TRIM71: variants seen among roughly 807,000 people sequenced by gnomAD.
TRIM71 encodes E3 ubiquitin-protein ligase TRIM71.
Under a neutral mutation model 61.2 loss-of-function variants are expected in TRIM71, and 9 were observed. The ratio of observed to expected loss-of-function variants is 0.15; its 90% CI spans 0.09 to 0.26. The LOEUF (loss-of-function observed/expected upper bound fraction) is 0.26. Ranked by LOEUF, TRIM71 falls within the 10% of genes least tolerant of loss-of-function variation. The pLI, the probability that TRIM71 is intolerant of heterozygous loss-of-function variation, is 1.00. For synonymous variants in TRIM71, 645 were observed against 553.2 expected, an observed-to-expected ratio of 1.17 and a Z score of -2.33; for missense variants, 998 against 1,238.7, an observed-to-expected ratio of 0.81 and a Z score of 2.92.
chr3:32,818,267 C>A lies in TRIM71; in HGVS notation c.187C>A (p.His63Asn). ...CCGCCTACACGTCCTGCCCTGCCTG[C>A]ACGCCTTCTGCCGCCCCTGCCTCGA... is the stretch of plus-strand genomic sequence containing the variant. ...ARRLHVLPCL[H>N]AFCRPCLEAH... is the part of the protein sequence containing the mutation. Residue 63 changes from histidine to asparagine, a missense_variant, in exon 1 of 4, where the codon CAC (histidine) becomes AAC (asparagine). By Grantham distance (68) the His-to-Asn change is moderately conservative. This residue lies in a region of TRIM71 where 527 missense variants were observed against 427.8 expected (regional missense o/e 1.23). Coordinates refer to ENST00000383763, the MANE Select transcript of TRIM71 (RefSeq NM_001039111.3). 7.0e-7 allele frequency: 1 copy of A among 1,435,186 alleles called. No individual in the cohort carries two copies. The highest frequency in any genetic ancestry group is 1.5e-5 in the African/African-American group (1 of 66,830). The allele number at this position is 1,435,186 out of a possible 1,614,324, so 88.9% of individuals were successfully genotyped here. A position where few individuals can be genotyped will look rare whatever the true frequency, so the allele number is the denominator to read the frequency against.
rs1414677998 is a variant in TRIM71 at position 32,890,311 on chromosome 3, C to T, written c.1156-49C>T. On this transcript the variant is annotated intron_variant, in intron 3 of 3. Transcript: ENST00000383763. This position sits in a 1 kb window ranked among gnomAD's most constrained non-coding sequence, Gnocchi z 6.2. ...TGTGGCTTATGTGGTATTTTCTGTGCTTGGCTCTAAGCCTCTGTGTCTTTC... is the reference window on the plus strand; with the variant it reads ...TGTGGCTTATGTGGTATTTTCTGTGTTTGGCTCTAAGCCTCTGTGTCTTTC... 2 of 1,567,154 alleles carry T rather than the reference C, an allele frequency of 1.3e-6. No homozygotes were observed. The highest frequency in any genetic ancestry group is 3.5e-5 in the Admixed American group (2 of 56,350).
At chr3:32,822,724 AATTTTCCCACTTAC>A (rs1203311069) in intron 1 of TRIM71, among the ~76,000 whole-genome samples, 4 of 152,214 alleles carry the variant, frequency 2.6e-5, no homozygotes, top group Non-Finnish European at 1.5e-5. Context: ...GCATAATACA[AATTTTCCCACTTAC>A]ACTGCATGTC....
intron 3 of TRIM71, among the ~76,000 whole-genome samples, chr3:32,889,308 C>T (rs1696996311): frequency 6.6e-6 from 1 of 151,886 alleles, no homozygotes; most frequent in Admixed American, 6.6e-5. Flanking sequence ...GCTGTATTAC[C>T]CAGGCTGGAG....
In TRIM71 at chr3:32,885,828, A is replaced by G. The variant is rs1346067747; in HGVS notation, c.1021-106A>G. ...AGGGAGTGAATCAAGTGGTCTGGGAACCCAGGGTGTCAGCTTTTCAAGTCT... is the reference window on the plus strand; with the variant it reads ...AGGGAGTGAATCAAGTGGTCTGGGAGCCCAGGGTGTCAGCTTTTCAAGTCT... On this transcript the variant is annotated intron_variant, in intron 2 of 3. Coordinates refer to ENST00000383763, the MANE Select transcript of TRIM71 (RefSeq NM_001039111.3). The G allele has an allele frequency of 4.7e-6, 7 of 1,473,848 alleles. No homozygotes were observed. In the Admixed American group the frequency reaches 7.0e-5, roughly 15 times the overall value. The allele number at this position is 1,473,848 out of a possible 1,614,324, so 91.3% of individuals were successfully genotyped here. A position where few individuals can be genotyped will look rare whatever the true frequency, so the allele number is the denominator to read the frequency against.
At chr3:32,862,835 T>C (rs1183530879) in intron 1 of TRIM71, among the ~76,000 whole-genome samples, 1 of 152,212 alleles carries the variant, frequency 6.6e-6, no homozygotes, top group Non-Finnish European at 1.5e-5. Context: ...TATGGCTTTG[T>C]ATGACCGCTG....
chr3:32,823,279 G>C (rs779578845), intron 1 of TRIM71, among the ~76,000 whole-genome samples: 24 of 152,230 alleles, frequency 1.6e-4, no homozygotes, highest in Admixed American at 1.1e-3. Flanking sequence ...CATAGGAATG[G>C]ATTTTTCAAC....
chr3:32,886,146 T>C (rs1696959532), intron 3 of TRIM71, 78 bp downstream of exon 3: 7 of 1,462,772 alleles, frequency 4.8e-6, no homozygotes, highest in South Asian at 1.5e-5. Context: ...CGGGACTCTT[T>C]ACAGATCCAG....
At chr3:32,857,187 A>G (rs1305285042) in intron 1 of TRIM71, among the ~76,000 whole-genome samples, 2 of 152,154 alleles carry the variant, frequency 1.3e-5, no homozygotes, top group Non-Finnish European at 2.9e-5. Context: ...TTTTACTTCG[A>G]ATTCTTCCTC....
intron 1 of TRIM71, among the ~76,000 whole-genome samples, chr3:32,843,429 C>G (rs1696433908): frequency 6.6e-6 from 1 of 152,092 alleles, no homozygotes; most frequent in Non-Finnish European, 1.5e-5. Flanking sequence ...ACAGGCTTAC[C>G]CAGGGGCCTC....
intron 1 of TRIM71, among the ~76,000 whole-genome samples, chr3:32,869,141 T>C (rs1044862414): frequency 6.6e-6 from 1 of 152,212 alleles, no homozygotes; most frequent in Admixed American, 6.5e-5. Flanking sequence ...CAGGTAAGGC[T>C]TCTTCTGGGC....
rs1196910744 is a variant in TRIM71, at chr3:32,818,610, C to A, written c.530C>A (p.Ser177Tyr). Residue 177 changes from serine (S) to tyrosine (Y), a missense_variant, in exon 1 of 4, where the codon TCC becomes TAC. Physicochemically the swap from Ser to Tyr is moderately radical, Grantham distance 144. Around this residue, in one of 5 missense-constraint regions of TRIM71, gnomAD observed 527 missense variants for 427.8 expected, o/e 1.23. Transcript: ENST00000383763. ...CAGGCGCCGCAGCCGCCCGCGCCTT[C>A]CCGCTCGGCACCCGGCGGCCCTGCC... Reference protein sequence around the residue: ...LPQAPQPPAPSRSAPGGPAAS... With the variant: ...LPQAPQPPAPYRSAPGGPAAS... 1 of 1,395,674 alleles carries A rather than the reference C, an allele frequency of 7.2e-7. No individual in the cohort carries two copies. Among genetic ancestry groups the A allele is most frequent in the Non-Finnish European group, 9.2e-7 (1 of 1,082,622 alleles). 86.5% of individuals were successfully genotyped at this position (1,395,674 alleles called of 1,614,324 possible).
intron 1 of TRIM71, among the ~76,000 whole-genome samples, chr3:32,857,736 C>T (rs887952097): frequency 1.3e-4 from 20 of 152,138 alleles, no homozygotes; most frequent in Admixed American, 1.2e-3. Flanking sequence ...TTCAGGAGGC[C>T]GACGCAGGTG....
chr3:32,819,810 G>T (rs1017319604), intron 1 of TRIM71, among the ~76,000 whole-genome samples: 10 of 152,194 alleles, frequency 6.6e-5, no homozygotes, highest in African/African-American at 2.2e-4. Flanking sequence ...GTATCCACCC[G>T]GCTCAACCAG....
At chr3:32,838,914 C>T (rs981392408) in intron 1 of TRIM71, among the ~76,000 whole-genome samples, 9 of 152,154 alleles carry the variant, frequency 5.9e-5, no homozygotes, top group East Asian at 1.9e-4. Context: ...GATTCTCCTG[C>T]GTCAGCCTCC....
chr3:32,836,092 G>A (rs977087564), intron 1 of TRIM71, among the ~76,000 whole-genome samples: 1 of 152,078 alleles, frequency 6.6e-6, no homozygotes. Context: ...CTCTCTTATA[G>A]AAGGGAGATC....
Position 32,818,427 on chromosome 3 carries a change from T to G in TRIM71, c.347T>G (p.Leu116Arg). The G allele has an allele frequency of 4.1e-6, 6 of 1,475,152 alleles. No individual in the cohort carries two copies. The highest frequency in any genetic ancestry group is 5.4e-6 in the Non-Finnish European group (6 of 1,117,776). 91.4% of individuals were successfully genotyped at this position (1,475,152 alleles called of 1,614,324 possible). The change falls in exon 1 of 4, where the codon CTT becomes CGT. Residue 116 changes from leucine to arginine, a missense_variant. By Grantham distance (102) the Leu-to-Arg change is moderately radical. Coordinates refer to ENST00000383763, the MANE Select transcript of TRIM71 (RefSeq NM_001039111.3). Reference sequence around the variant, plus strand: ...GCGCTGCCTTCGTCCGCCTTCCTGCTTAGCAACCTGCTCGACGCGGTGGTG... The same window carrying G: ...GCGCTGCCTTCGTCCGCCTTCCTGCGTAGCAACCTGCTCGACGCGGTGGTG... ...MDALPSSAFL[L>R]SNLLDAVVAT...
rs765372506 is a variant in TRIM71 at position 32,890,900 on chromosome 3, C to A, written c.1696C>A (p.Leu566Met). The A allele has an allele frequency of 1.9e-6, 3 of 1,614,238 alleles. No homozygotes were observed. The highest frequency in any genetic ancestry group is 2.5e-6 in the Non-Finnish European group (3 of 1,180,044). ...GGGTGAGCACCTGGTATCTGTGACACTGTGCAACCAGCACATTGAGAACAG... is the reference window on the plus strand; with the variant it reads ...GGGTGAGCACCTGGTATCTGTGACAATGTGCAACCAGCACATTGAGAACAG... ...LEGEHLVSVT[L>M]CNQHIENSPF... The change falls in exon 4 of 4, where the codon CTG (leucine) becomes ATG (methionine). Residue 566 changes from leucine (L) to methionine (M), a missense_variant. Around this residue, in one of 5 missense-constraint regions of TRIM71, gnomAD observed 291 missense variants for 431.2 expected, o/e 0.67. Coordinates refer to ENST00000383763, the MANE Select transcript of TRIM71 (RefSeq NM_001039111.3). This position sits in a 1 kb window ranked among gnomAD's most constrained non-coding sequence, Gnocchi z 6.2.
intron 1 of TRIM71, among the ~76,000 whole-genome samples, chr3:32,849,288 A>G (rs574947511): frequency 3.0e-4 from 46 of 152,298 alleles, no homozygotes; most frequent in African/African-American, 1.1e-3. Context: ...CTGGCACTGC[A>G]GTTTCCCCCA....
chr3:32,820,958 T>C (rs1164832563), intron 1 of TRIM71, among the ~76,000 whole-genome samples: 1 of 152,242 alleles, frequency 6.6e-6, no homozygotes, highest in Non-Finnish European at 1.5e-5. Flanking sequence ...GGAAGTTGTT[T>C]GGCCTTTTTA....
Sources: allele counts gnomAD v4.1 joint callset (sites outside exome capture counted in the v4.1 genomes callset), GRCh38; gene constraint gnomAD v4.1.1; regional missense constraint gnomAD v4.1.1; non-coding constraint Gnocchi (gnomAD v3.1); transcripts MANE v1.5; gene names NCBI Gene and HGNC (gene_info 2026-07-23, HGNC 2026-07-21).